AMOTL2: variants seen among roughly 807,000 people sequenced by gnomAD.
AMOTL2 encodes the protein angiomotin like 2, also known as angiomotin-like protein 2.
In AMOTL2, 33 loss-of-function variants were observed where a neutral mutation model predicts 78.4. The ratio of observed to expected loss-of-function variants is 0.42; its 90% CI spans 0.32 to 0.56. AMOTL2 has a LOEUF of 0.56. Among genes scored for constraint, AMOTL2 ranks in the 20% least tolerant of loss-of-function variants. The probability of loss-of-function intolerance (pLI) is 0.12; values close to 1 mark genes in which losing one functional copy is unlikely to be tolerated. For missense variants in AMOTL2, 983 were observed against 1,030.1 expected (o/e 0.95, Z 0.63); for synonymous variants, 422 against 428.8 (o/e 0.98, Z 0.20).
chr3:134,359,734 C>A (rs2017264401), intron 7 of AMOTL2, among the ~76,000 whole-genome samples: 1 of 152,174 alleles, frequency 6.6e-6, no homozygotes, highest in African/African-American at 2.4e-5. Context: ...GTGCATAAGG[C>A]CCTGGGCCCT....
chr3:134,368,019 G>C (rs1412175418), intron 2 of AMOTL2, among the ~76,000 whole-genome samples: 1 of 152,194 alleles, frequency 6.6e-6, no homozygotes, highest in African/African-American at 2.4e-5. Context: ...TTCTGCCTGA[G>C]GCTCTCAAGA....
Position 134,366,332 on chromosome 3 carries a change from C to G in AMOTL2, c.1137G>C (p.Lys379Asn). The G allele has an allele frequency of 6.2e-7, 1 of 1,614,208 alleles. No homozygotes were observed. The highest frequency in any genetic ancestry group is 8.5e-7 in the Non-Finnish European group (1 of 1,180,026). The change falls in exon 4 of 10, where the codon AAG (lysine) becomes AAC (asparagine). Residue 379 changes from lysine (K) to asparagine (N), a missense_variant. Coordinates refer to ENST00000249883, the MANE Select transcript of AMOTL2 (RefSeq NM_016201.4). ...REALEKTMRNKMDSEMRRLQD... is the reference protein window; with the variant it reads ...REALEKTMRNNMDSEMRRLQD... ...GCAGCCTCCTCATTTCACTGTCCATCTTGTTCCGCATGGTCTTCTCCAGGG... is the reference window on the plus strand; with the variant it reads ...GCAGCCTCCTCATTTCACTGTCCATGTTGTTCCGCATGGTCTTCTCCAGGG...
At chr3:134,361,455 G>A (rs1576576371) in intron 6 of AMOTL2, 57 bp downstream of exon 6, 1 of 1,506,204 alleles carries the variant, frequency 6.6e-7, no homozygotes, top group Middle Eastern at 2.3e-4. Context: ...TCCCCGAGGA[G>A]GAAGGGAAGC....
chr3:134,374,903 G>A, upstream of AMOTL2: 1 of 780,924 alleles, frequency 1.3e-6, no homozygotes, highest in Non-Finnish European at 1.7e-6. Context: ...GACTCCGGCT[G>A]TGTGTGTGTG....
chr3:134,359,627 C>T, intron 7 of AMOTL2, 124 bp from the exon 8 acceptor site: 3 of 768,160 alleles, frequency 3.9e-6, no homozygotes, highest in Admixed American at 5.4e-5. Flanking sequence ...CAGGCTGGAT[C>T]CTTCTGTGCT....
upstream of AMOTL2, chr3:134,375,263 G>A (rs1422734026): frequency 6.5e-7 from 1 of 1,534,408 alleles, no homozygotes; most frequent in Non-Finnish European, 8.7e-7. Flanking sequence ...TTTACGCAGA[G>A]TGCAAGGTGT....
rs942692838 is a variant in AMOTL2 at position 134,369,774 on chromosome 3, G to A, written c.734+926C>T. Among the ~76,000 whole-genome samples the A allele has an allele frequency of 4.6e-5, 7 of 152,308 alleles. No homozygotes were observed. In the East Asian group the frequency reaches 1.2e-3, roughly 25 times the overall value. On this transcript the variant is annotated intron_variant, in intron 2 of 9. Transcript: ENST00000249883. ...CTGAAATCCTTGGGGTCCCTTGGTGGGGTTTCTTGGACTCCCATAGGGGGA... is the reference window on the plus strand; with the variant it reads ...CTGAAATCCTTGGGGTCCCTTGGTGAGGTTTCTTGGACTCCCATAGGGGGA...
chr3:134,369,318 C>A (rs1465140831), intron 2 of AMOTL2, among the ~76,000 whole-genome samples: 3 of 152,190 alleles, frequency 2.0e-5, no homozygotes, highest in Non-Finnish European at 4.4e-5. Flanking sequence ...ACACAACTGG[C>A]ATTCTTTGGG....
rs1425052963 is a variant in AMOTL2, at chr3:134,357,507, G to T, written c.*198C>A. 2.0e-5 allele frequency: 12 copies of T among 611,446 alleles called. No individual in the cohort carries two copies. The highest frequency in any genetic ancestry group is 2.9e-5 in the Non-Finnish European group (10 of 339,148). The allele number at this position is 611,446 out of a possible 1,614,324, so 37.9% of individuals were successfully genotyped here. A position where few individuals can be genotyped will look rare whatever the true frequency, so the allele number is the denominator to read the frequency against. Reference sequence around the variant, plus strand: ...GTGGGCTAAGAAGCAGAGTCTTCTGGGGGTGCCGGTGCTCTCACAGCTCTC... The same window carrying T: ...GTGGGCTAAGAAGCAGAGTCTTCTGTGGGTGCCGGTGCTCTCACAGCTCTC... On this transcript the variant is annotated 3_prime_UTR_variant, in exon 10 of 10. Transcript: ENST00000249883.
chr3:134,362,090 C>A (rs1380847429), intron 5 of AMOTL2, among the ~76,000 whole-genome samples: 1 of 152,208 alleles, frequency 6.6e-6, no homozygotes, highest in Middle Eastern at 3.2e-3. Flanking sequence ...CCCCAAACAC[C>A]ATCCACTTGT....
chr3:134,362,159 G>T (rs993188926), intron 5 of AMOTL2, among the ~76,000 whole-genome samples: 1 of 152,158 alleles, frequency 6.6e-6, no homozygotes, highest in Non-Finnish European at 1.5e-5. Flanking sequence ...GTGACGGCTC[G>T]AGACTGTTGA....
rs1383756569 is a variant in AMOTL2, at chr3:134,365,450, T to C, written c.1279+367A>G. ...GACCTTTCTGTTGCCAGGAACTCCC[T>C]GGGAAGCTCTCAGACCTGTCCTTCT... On this transcript the variant is annotated intron_variant, in intron 5 of 9. Coordinates refer to ENST00000249883, the MANE Select transcript of AMOTL2 (RefSeq NM_016201.4). Among the ~76,000 whole-genome samples, 3 of 152,174 alleles carry C rather than the reference T, an allele frequency of 2.0e-5. No homozygotes were observed. The East Asian group carries it at 5.8e-4, about 29-fold the overall frequency.
chr3:134,366,605 G>C, intron 3 of AMOTL2, 178 bp from the exon 4 acceptor site: 1 of 612,736 alleles, frequency 1.6e-6, no homozygotes, highest in Non-Finnish European at 2.8e-6. Flanking sequence ...AAGTAGAATA[G>C]ACTGCTGGGA....
chr3:134,375,230 C>T (rs1329617717), upstream of AMOTL2: 12 of 1,535,614 alleles, frequency 7.8e-6, no homozygotes, highest in Non-Finnish European at 1.0e-5. Context: ...CCAGTTCTTC[C>T]CCAAGGTGAT....
rs1284980147 is a variant in AMOTL2, at chr3:134,356,016, T to C, written c.*1689A>G. 1 of 152,688 alleles carries C rather than the reference T, an allele frequency of 6.5e-6. No individual in the cohort carries two copies. Among genetic ancestry groups the C allele is most frequent in the Non-Finnish European group, 1.5e-5 (1 of 68,052 alleles). 9.5% of individuals were successfully genotyped at this position (152,688 alleles called of 1,614,324 possible). On this transcript the variant is annotated 3_prime_UTR_variant, in exon 10 of 10. Coordinates refer to ENST00000249883, the MANE Select transcript of AMOTL2 (RefSeq NM_016201.4). ...AACTTAAACATACAGACACACATCA[T>C]GGTCTTTGGCAGAAAATGTTCACAG... is the stretch of plus-strand genomic sequence containing the variant.
chr3:134,371,156 C>G lies in AMOTL2; in HGVS notation c.278G>C (p.Arg93Pro), dbSNP rs767729650. Residue 93 changes from arginine to proline, a missense_variant, in exon 2 of 10, where the codon CGG (arginine) becomes CCG (proline). Arg to Pro is a moderately radical substitution (Grantham distance 103). Transcript: ENST00000249883. ...TCCCTTGCTGGGCTGTGGGCATAGC[C>G]GGTAGAGGGTGTTCTCTGCCAGGTG... ...ENHLAENTLYRLCPQPSKGEE... is the reference protein window; with the variant it reads ...ENHLAENTLYPLCPQPSKGEE... 9.3e-6 allele frequency: 15 copies of G among 1,613,890 alleles called. No homozygotes were observed. The highest frequency in any genetic ancestry group is 1.3e-5 in the Non-Finnish European group (15 of 1,179,938).
rs531492024 is a variant in AMOTL2 at position 134,367,620 on chromosome 3, C to T, written c.918G>A (p.Ser306=). 12 of 1,613,436 alleles carry T rather than the reference C, an allele frequency of 7.4e-6. No homozygotes were observed. The highest frequency in any genetic ancestry group is 2.2e-5 in the East Asian group (1 of 44,870). The change falls in exon 3 of 10, where the codon TCG becomes TCA. Residue 306 remains serine (S), a synonymous_variant. Transcript: ENST00000249883. ...PVSAQASSAT[S]GSAHLAQMEA... ...CCATCTGGGCCAGGTGGGCACTGCC[C>T]GAGGTGGCTGAGGAGGCCTGGGCAC...
Position 134,367,803 on chromosome 3 carries a change from C to A in AMOTL2, c.735G>T (p.Arg245Ser). Residue 245 changes from arginine to serine, a missense_variant and splice_region_variant, in exon 3 of 10, where the codon AGG becomes AGT. Physicochemically the swap from Arg to Ser is moderately radical, Grantham distance 110. Transcript: ENST00000249883. ...CAGGAGGCACCTGGGCCTGCAGGATCCTGGGGAACAGAAGAGACGGTGCTC... is the reference window on the plus strand; with the variant it reads ...CAGGAGGCACCTGGGCCTGCAGGATACTGGGGAACAGAAGAGACGGTGCTC... Reference protein sequence around the residue: ...GSPHFQHAEVRILQAQVPPVF... With the variant: ...GSPHFQHAEVSILQAQVPPVF... The A allele has an allele frequency of 6.2e-7, 1 of 1,613,262 alleles. No individual in the cohort carries two copies. The highest frequency in any genetic ancestry group is 8.5e-7 in the Non-Finnish European group (1 of 1,179,952).
In AMOTL2 at chr3:134,367,443, A is replaced by G. The variant is rs1439096913; in HGVS notation, c.1041+54T>C. 9 of 1,580,250 alleles carry G rather than the reference A, an allele frequency of 5.7e-6. No homozygotes were observed. The Admixed American group carries it at 1.1e-4, about 20-fold the overall frequency. ...TCCTTGGACTACCCACTCCCCAGGTAGCCCCTCGGGGTCTCTTTCTGGTCT... is the reference window on the plus strand; with the variant it reads ...TCCTTGGACTACCCACTCCCCAGGTGGCCCCTCGGGGTCTCTTTCTGGTCT... On this transcript the variant is annotated intron_variant, in intron 3 of 9. Coordinates refer to ENST00000249883, the MANE Select transcript of AMOTL2 (RefSeq NM_016201.4).
Sources: allele counts gnomAD v4.1 joint callset (sites outside exome capture counted in the v4.1 genomes callset), GRCh38; gene constraint gnomAD v4.1.1; transcripts MANE v1.5; gene names NCBI Gene and HGNC (gene_info 2026-07-23, HGNC 2026-07-21).